Variants in TCHH observed in about 807,000 individuals in gnomAD.
TCHH encodes the protein trichohyalin.
TCHH carries 6 observed loss-of-function variants against 6.3 expected under a neutral mutation model. That is an observed-to-expected ratio of 0.95 (90% CI 0.52 to 1.88). TCHH has a LOEUF of 1.88. TCHH is among the 40% of genes most tolerant of loss of function. TCHH has a pLI of 0.01. For synonymous variants in TCHH, 1,087 were observed against 963.6 expected (o/e 1.13, Z -2.37); for missense variants, 2,920 against 2,449.1 (o/e 1.19, Z -4.06).
Position 152,110,340 on chromosome 1 carries a change from T to C in TCHH, c.2877A>G (p.Gln959=), listed in dbSNP as rs761689726. 5 of 1,602,686 alleles carry C rather than the reference T, an allele frequency of 3.1e-6. No homozygotes were observed. In the South Asian group the frequency reaches 4.4e-5, roughly 14 times the overall value. ...GCTGCAGCTTCTTATCCTTCCGATA[T>C]TGCCTTTCCCGCTCCTGGCGTCTTC... ...EKRRRQERER[Q]YRKDKKLQQK... is the part of the protein sequence containing the mutation. Residue 959 remains glutamine (Q), a synonymous_variant, in exon 3 of 3, where the codon CAA becomes CAG. Coordinates refer to ENST00000614923, the MANE Select transcript of TCHH (RefSeq NM_007113.4).
rs1437064674 is a variant in TCHH at position 152,112,311 on chromosome 1, G to A, written c.906C>T (p.Arg302=). Residue 302 remains arginine, a synonymous_variant, in exon 3 of 3, where the codon CGC becomes CGT. Coordinates refer to ENST00000614923, the MANE Select transcript of TCHH (RefSeq NM_007113.4). ...CCTGCTTGCGCCTTAGTTGCTGCTC[G>A]CGCCTCAGCCTTTGCTGCTGCTGCT... ...EEEQQQQRLR[R]EQQLRRKQEE... is the part of the protein sequence containing the mutation. 1 of 1,610,354 alleles carries A rather than the reference G, an allele frequency of 6.2e-7. No homozygotes were observed.
In TCHH at chr1:152,107,432, G is replaced by A. The variant is rs751066918; in HGVS notation, c.5785C>T (p.Pro1929Ser). Residue 1929 changes from proline (P) to serine (S), a missense_variant, in exon 3 of 3, where the codon CCT (proline) becomes TCT (serine). Pro to Ser is a moderately conservative substitution (Grantham distance 74). Transcript: ENST00000614923. ...TGCTCTTGGATGTACTCATAGAGAG[G>A]GCTGGAGCGCACTGGGACACTGGCA... The part of the protein sequence containing the change: ...QFASVPVRSS[P>S]LYEYIQEQRS... 23 of 1,611,404 alleles carry A rather than the reference G, an allele frequency of 1.4e-5. No homozygotes were observed. Among genetic ancestry groups the A allele is most frequent in the South Asian group, 8.8e-5 (8 of 90,606 alleles).
rs565627723 is a variant in TCHH at position 152,111,270 on chromosome 1, G to A, written c.1947C>T (p.Arg649=). ...GCTGCTCGCGCCTTTCCTGCTGCTC[G>A]CGCCTTAGTTGCTGCTGGCGCCTCT... ...QEERRQQQLR[R]EQQERREQRL... is the part of the protein sequence containing the mutation. The change falls in exon 3 of 3, where the codon CGC becomes CGT. Residue 649 remains arginine, a synonymous_variant. Transcript: ENST00000614923. The A allele has an allele frequency of 5.7e-6, 9 of 1,590,224 alleles. No individual in the cohort carries two copies. The highest frequency in any genetic ancestry group is 5.2e-5 in the Admixed American group (3 of 57,566).
In TCHH at chr1:152,109,969, T is replaced by C; in HGVS notation, c.3248A>G (p.Glu1083Gly). 6.3e-7 allele frequency: 1 copy of C among 1,579,030 alleles called. No individual in the cohort carries two copies. Among genetic ancestry groups the C allele is most frequent in the Non-Finnish European group, 8.6e-7 (1 of 1,164,852 alleles). ...CTCTTCCTCCTGCTGCAGCTCCTCT[T>C]CCTTCCGATATTGCCTCTCCAGCTC... ...RQELERQYRK[E>G]EELQQEEEQL... Residue 1083 changes from glutamate to glycine, a missense_variant, in exon 3 of 3, where the codon GAA becomes GGA. Glu to Gly is a moderately conservative substitution (Grantham distance 98). Coordinates refer to ENST00000614923, the MANE Select transcript of TCHH (RefSeq NM_007113.4).
intron 2 of TCHH, 101 bp from the exon 3 acceptor site, chr1:152,113,179 G>T: frequency 8.6e-7 from 1 of 1,160,180 alleles, no homozygotes; most frequent in Non-Finnish European, 1.2e-6. Context: ...ACATTCAAGA[G>T]ACATTCAGAG....
At chr1:152,114,821 G>A (rs1190524626) in intron 1 of TCHH, among the ~76,000 whole-genome samples, 1 of 152,208 alleles carries the variant, frequency 6.6e-6, no homozygotes, top group Non-Finnish European at 1.5e-5. Context: ...GCTTCTGAGA[G>A]GTCCTTTCTA....
intron 1 of TCHH, among the ~76,000 whole-genome samples, 165 bp downstream of exon 1, chr1:152,115,226 C>A (rs1658480468): frequency 6.6e-6 from 1 of 152,166 alleles, no homozygotes; most frequent in Non-Finnish European, 1.5e-5. Context: ...CAAGTGATGG[C>A]TCCAACCATA....
chr1:152,110,685 C>T lies in TCHH; in HGVS notation c.2532G>A (p.Glu844=), dbSNP rs1240709333. 1 of 1,612,452 alleles carries T rather than the reference C, an allele frequency of 6.2e-7. No individual in the cohort carries two copies. The highest frequency in any genetic ancestry group is 1.3e-5 in the African/African-American group (1 of 74,910). ...CCTCCTCCTGGAGCTGTTGGGCACG[C>T]TCCCGCCGCTGGAGCTGCTCCTCTT... ...LEEEEQLQRR[E]RAQQLQEEED... The change falls in exon 3 of 3, where the codon GAG becomes GAA. Residue 844 remains glutamate, a synonymous_variant. Coordinates refer to ENST00000614923, the MANE Select transcript of TCHH (RefSeq NM_007113.4).
In TCHH at chr1:152,107,536, C is replaced by G. The variant is rs146665414; in HGVS notation, c.5681G>C (p.Arg1894Thr). 133 of 1,614,218 alleles carry G rather than the reference C, an allele frequency of 8.2e-5. No homozygotes were observed. In the Middle Eastern group the frequency reaches 8.2e-4, roughly 10 times the overall value. ...HIRRQQKEEQ[R>T]HRQVGEIKSQ... ...TTTTATCTCCCCGACTTGGCGGTGC[C>G]TCTGTTCCTCCTTCTGCTGGCGGCG... Residue 1894 changes from arginine (R) to threonine (T), a missense_variant, in exon 3 of 3, where the codon AGG (arginine) becomes ACG (threonine). Physicochemically the swap from Arg to Thr is moderately conservative, Grantham distance 71. Transcript: ENST00000614923.
In TCHH at chr1:152,109,700, C is replaced by G. The variant is rs1416872298; in HGVS notation, c.3517G>C (p.Glu1173Gln). ...RQELERQYREEEELQQEEEQL... is the reference protein window; with the variant it reads ...RQELERQYREQEELQQEEEQL... ...TCTTCCTCCTGCTGCAGCTCCTCTT[C>G]CTCGCGGTATTGCCTCTCCAGCTCC... The change falls in exon 3 of 3, where the codon GAA becomes CAA. Residue 1173 changes from glutamate to glutamine, a missense_variant. Glu to Gln is a conservative substitution (Grantham distance 29, BLOSUM62 2). Coordinates refer to ENST00000614923, the MANE Select transcript of TCHH (RefSeq NM_007113.4). The G allele has an allele frequency of 4.3e-6, 7 of 1,609,234 alleles. No individual in the cohort carries two copies. Among genetic ancestry groups the G allele is most frequent in the Non-Finnish European group, 5.9e-6 (7 of 1,177,666 alleles).
chr1:152,109,157 G>A lies in TCHH; in HGVS notation c.4060C>T (p.Arg1354Cys), dbSNP rs780658407. 31 of 1,613,410 alleles carry A rather than the reference G, an allele frequency of 1.9e-5. No homozygotes were observed. The highest frequency in any genetic ancestry group is 2.6e-5 in the Non-Finnish European group (31 of 1,179,712). Residue 1354 changes from arginine to cysteine, a missense_variant, in exon 3 of 3, where the codon CGC (arginine) becomes TGC (cysteine). Transcript: ENST00000614923. ...LLQEREEQPL[R>C]RQERDRKFRE... is the part of the protein sequence containing the mutation. ...AATTTTCTGTCACGCTCTTGGCGGC[G>A]CAGCGGCTGTTCCTCCCTTTCCTGG...
Position 152,109,278 on chromosome 1 carries a change from CT to C in TCHH, c.3938del (p.Lys1313SerfsTer9). 1 of 1,614,216 alleles carries C rather than the reference CT, an allele frequency of 6.2e-7. No homozygotes were observed. The highest frequency in any genetic ancestry group is 8.5e-7 in the Non-Finnish European group (1 of 1,180,034). ...EQKEAKRRDR[K>X]SQEEKQLLRE... ...TCAGCAACTGCTTTTCCTCTTGGGA[CT>C]TCCTGTCGCGCCTTTTGGCTTCCTT... is the stretch of plus-strand genomic sequence containing the variant. On this transcript the variant is annotated frameshift_variant, in exon 3 of 3. Coordinates refer to ENST00000614923, the MANE Select transcript of TCHH (RefSeq NM_007113.4). LOFTEE classifies it low-confidence loss of function (END_TRUNC).
rs764567819 is a variant in TCHH at position 152,109,403 on chromosome 1, C to T, written c.3814G>A (p.Gly1272Ser). ...TCACGATCTCGCTCTTGCTGTTCAC[C>T]CAGCAGGTGCTGCAGATCTTGCTGG... is the stretch of plus-strand genomic sequence containing the variant. ...QSQQDLQHLL[G>S]EQQERDREQE... Residue 1272 changes from glycine to serine, a missense_variant, in exon 3 of 3, where the codon GGT becomes AGT. Transcript: ENST00000614923. The T allele has an allele frequency of 6.2e-7, 1 of 1,614,106 alleles. No homozygotes were observed. Among genetic ancestry groups the T allele is most frequent in the African/African-American group, 1.3e-5 (1 of 74,956 alleles).
rs1350244512 is a variant in TCHH, at chr1:152,109,565, C to A, written c.3652G>T (p.Asp1218Tyr). ...QKRKQRYRDE[D>Y]QRSDLKWQWE... ...TGCCATTTCAGATCACTGCGCTGAT[C>A]CTCATCCCGGTATCGCTGCTTCCTT... The change falls in exon 3 of 3, where the codon GAT (aspartate) becomes TAT (tyrosine). Residue 1218 changes from aspartate to tyrosine, a missense_variant. Coordinates refer to ENST00000614923, the MANE Select transcript of TCHH (RefSeq NM_007113.4). The A allele has an allele frequency of 6.2e-7, 1 of 1,614,130 alleles. No individual in the cohort carries two copies. Among genetic ancestry groups the A allele is most frequent in the African/African-American group, 1.3e-5 (1 of 74,934 alleles).
rs370869272 is a variant in TCHH, at chr1:152,112,519, C to G, written c.698G>C (p.Arg233Pro). Residue 233 changes from arginine to proline, a missense_variant, in exon 3 of 3, where the codon CGG becomes CCG. Transcript: ENST00000614923. ...REEKQQQRRE[R>P]QDRVFQEEEE... ...TTCCTCCTGGAACACTCTGTCTTGCCGCTCTCGCCTTTGCTGCTGTTTCTC... is the reference window on the plus strand; with the variant it reads ...TTCCTCCTGGAACACTCTGTCTTGCGGCTCTCGCCTTTGCTGCTGTTTCTC... 1.5e-5 allele frequency: 24 copies of G among 1,613,378 alleles called. No homozygotes were observed. The highest frequency in any genetic ancestry group is 1.9e-5 in the Non-Finnish European group (23 of 1,180,022).
rs1572157314 is a variant in TCHH at position 152,110,494 on chromosome 1, T to C, written c.2723A>G (p.Glu908Gly). The change falls in exon 3 of 3, where the codon GAG becomes GGG. Residue 908 changes from glutamate to glycine, a missense_variant. Physicochemically the swap from Glu to Gly is moderately conservative, Grantham distance 98. Transcript: ENST00000614923. ...QLRKEQQLLQ[E>G]EEEELQREER... ...CTCTCTCTGTAGCTCCTCCTCCTCCTCCTGCAGCAGCTGCTGTTCCTTCCT... is the reference window on the plus strand; with the variant it reads ...CTCTCTCTGTAGCTCCTCCTCCTCCCCCTGCAGCAGCTGCTGTTCCTTCCT... The C allele has an allele frequency of 6.2e-7, 1 of 1,614,180 alleles. No homozygotes were observed. Among genetic ancestry groups the C allele is most frequent in the Non-Finnish European group, 8.5e-7 (1 of 1,180,014 alleles).
rs3134814 is a variant in TCHH, at chr1:152,112,508, C to G, written c.709G>C (p.Val237Leu). 0.043 allele frequency: 68,753 copies of G among 1,613,370 alleles called. 1,703 individuals carry two copies. Among genetic ancestry groups the G allele is most frequent in the African/African-American group, 0.071 (5,351 of 74,918 alleles). ...TCTTTCTCTTCTTCCTCCTGGAACA[C>G]TCTGTCTTGCCGCTCTCGCCTTTGC... ...QQQRRERQDR[V>L]FQEEEEKEWR... The change falls in exon 3 of 3, where the codon GTG (valine) becomes CTG (leucine). Residue 237 changes from valine to leucine, a missense_variant. Transcript: ENST00000614923.
Position 152,107,292 on chromosome 1 carries a change from A to G in TCHH, c.*93T>C. On this transcript the variant is annotated 3_prime_UTR_variant, in exon 3 of 3. Transcript: ENST00000614923. ...TCTAATATCAGAGAGTTTTCCCACAACCAGAAACATCTGAGTTATCACTTG... is the reference window on the plus strand; with the variant it reads ...TCTAATATCAGAGAGTTTTCCCACAGCCAGAAACATCTGAGTTATCACTTG... The G allele has an allele frequency of 7.7e-7, 1 of 1,302,086 alleles. No individual in the cohort carries two copies. Among genetic ancestry groups the G allele is most frequent in the Non-Finnish European group, 1.0e-6 (1 of 957,808 alleles). 80.7% of individuals were successfully genotyped at this position (1,302,086 alleles called of 1,614,324 possible). A position where few individuals can be genotyped will look rare whatever the true frequency, so the allele number is the denominator to read the frequency against.
In TCHH at chr1:152,108,305, G is replaced by A. The variant is rs373511640; in HGVS notation, c.4912C>T (p.Arg1638Cys). 2.5e-6 allele frequency: 4 copies of A among 1,612,662 alleles called. No individual in the cohort carries two copies. The highest frequency in any genetic ancestry group is 3.4e-6 in the Non-Finnish European group (4 of 1,179,566). The stretch of plus-strand genomic sequence containing the variant: ...AGGAATTTTCTGTCACGCTCTTGGC[G>A]GTGCAGCTGCTGTTCTTCCCTTTCC... ...LQEREEQQLH[R>C]QERDRKFLEE... Residue 1638 changes from arginine (R) to cysteine (C), a missense_variant, in exon 3 of 3, where the codon CGC (arginine) becomes TGC (cysteine). By Grantham distance (180) the Arg-to-Cys change is radical (BLOSUM62 -3). Coordinates refer to ENST00000614923, the MANE Select transcript of TCHH (RefSeq NM_007113.4).
Sources: gnomAD v4.1 joint callset for allele counts (sites outside exome capture counted in the v4.1 genomes callset) on GRCh38, gnomAD v4.1.1 for gene constraint, MANE v1.5 for transcripts, NCBI Gene and HGNC (gene_info 2026-07-23, HGNC 2026-07-21) for gene names.